MBNL2: variants seen among roughly 807,000 people sequenced by gnomAD.
MBNL2 encodes the protein muscleblind-like protein 2.
A neutral mutation model predicts 41.9 loss-of-function variants in MBNL2; 17 were observed. The observed-to-expected ratio is 0.41, with a 90% CI of 0.28 to 0.61. MBNL2 has a LOEUF of 0.61. Ranked by LOEUF, MBNL2 falls within the 20% of genes least tolerant of loss-of-function variation. The pLI is 0.35. For missense variants in MBNL2, 336 were observed against 505.6 expected, an observed-to-expected ratio of 0.66 and a Z score of 3.22; for synonymous variants, 195 against 182.9, an observed-to-expected ratio of 1.07 and a Z score of -0.53.
intron 2 of MBNL2, among the ~76,000 whole-genome samples, chr13:97,282,651 T>TAAAG (rs1322692810): frequency 3.3e-5 from 5 of 152,204 alleles, no homozygotes; most frequent in African/African-American, 1.2e-4. Flanking sequence ...GGTTCATGCT[T>TAAAG]AAAGATTCTT....
At position 97,284,617 on chromosome 13, in the gene MBNL2, G is replaced by A. The variant is rs2054072323; in HGVS notation, c.174+8208G>A. On this transcript the variant is annotated intron_variant, in intron 2 of 8. Transcript: ENST00000679496. Reference sequence around the variant, plus strand: ...TAGGACTTCAACATATATTTTGGGGGAACACAATTCAACCCATTAATATAA... The same window carrying A: ...TAGGACTTCAACATATATTTTGGGGAAACACAATTCAACCCATTAATATAA... 3.3e-5 allele frequency among the ~76,000 whole-genome samples: 5 copies of A among 152,126 alleles called. No homozygotes were observed. In the South Asian group the frequency reaches 8.3e-4, roughly 25 times the overall value.
intron 2 of MBNL2, among the ~76,000 whole-genome samples, chr13:97,301,271 C>A (rs1417141526): frequency 6.6e-6 from 1 of 152,064 alleles, no homozygotes; most frequent in Non-Finnish European, 1.5e-5. Context: ...TCCATTTATC[C>A]CTACAACACA....
the MBNL2 span, among the ~76,000 whole-genome samples, chr13:97,195,137 G>T: frequency 2.6e-5 from 4 of 152,080 alleles, no homozygotes; most frequent in African/African-American, 9.7e-5. Context: ...CCCCTTTCTG[G>T]TAACACAAAT....
chr13:97,269,869 A>G (rs904202691), intron 1 of MBNL2, among the ~76,000 whole-genome samples: 1 of 152,204 alleles, frequency 6.6e-6, no homozygotes, highest in African/African-American at 2.4e-5. Flanking sequence ...AATCCTGGTC[A>G]TCATATGGAA....
At chr13:97,188,505 T>G in the MBNL2 span, among the ~76,000 whole-genome samples, 7 of 152,172 alleles carry the variant, frequency 4.6e-5, no homozygotes, top group Admixed American at 2.0e-4. Flanking sequence ...GAAATATGCA[T>G]GCCTTTTCCT....
chr13:97,232,893 G>GCA (rs1566355649), intron 1 of MBNL2, among the ~76,000 whole-genome samples: 3 of 143,894 alleles, frequency 2.1e-5, no homozygotes, highest in African/African-American at 7.5e-5. Context: ...GTGTGTGTGC[G>GCA]CACGTACACT....
chr13:97,180,834 G>A, the MBNL2 span, among the ~76,000 whole-genome samples: 1 of 151,492 alleles, frequency 6.6e-6, no homozygotes, highest in Non-Finnish European at 1.5e-5. Context: ...CTATCTGTTG[G>A]TGGCCTTAAA....
At chr13:97,298,882 A>G (rs2057333786) in intron 2 of MBNL2, among the ~76,000 whole-genome samples, 2 of 152,200 alleles carry the variant, frequency 1.3e-5, no homozygotes, top group Admixed American at 6.5e-5. Context: ...CTATGAAGAC[A>G]GTGCAGTCAA....
chr13:97,307,816 TC>T (rs776947102), intron 2 of MBNL2, among the ~76,000 whole-genome samples: 1 of 152,214 alleles, frequency 6.6e-6, no homozygotes, highest in Non-Finnish European at 1.5e-5. Flanking sequence ...TAAATTATTT[TC>T]CACCCAAGTG....
At chr13:97,169,882 T>G in the MBNL2 span, among the ~76,000 whole-genome samples, 1 of 152,216 alleles carries the variant, frequency 6.6e-6, no homozygotes, top group Non-Finnish European at 1.5e-5. Context: ...GTCATGGAAC[T>G]CACAATGCTG....
chr13:97,367,107 A>C (rs2063909233), intron 8 of MBNL2, among the ~76,000 whole-genome samples: 1 of 152,196 alleles, frequency 6.6e-6, no homozygotes, highest in African/African-American at 2.4e-5. Flanking sequence ...TAAGAGCCAA[A>C]CCATCCGGAA....
rs1033589418 is a variant in MBNL2 at position 97,392,959 on chromosome 13, A to T, written c.*1510A>T. 1 of 152,480 alleles carries T rather than the reference A, an allele frequency of 6.6e-6. No individual in the cohort carries two copies. Among genetic ancestry groups the T allele is most frequent in the African/African-American group, 2.4e-5 (1 of 41,442 alleles). 9.4% of individuals were successfully genotyped at this position (152,480 alleles called of 1,614,324 possible). A position where few individuals can be genotyped will look rare whatever the true frequency, so the allele number is the denominator to read the frequency against. ...CCTGTTCTGAAAACTAGATGCACCA[A>T]CCGTATCATTATTTGTTTGAGGAAA... On this transcript the variant is annotated 3_prime_UTR_variant, in exon 9 of 9. Coordinates refer to ENST00000679496, the MANE Select transcript of MBNL2 (RefSeq NM_001382683.1).
chr13:97,341,750 A>C (rs1352078589), intron 3 of MBNL2, among the ~76,000 whole-genome samples: 1 of 152,228 alleles, frequency 6.6e-6, no homozygotes, highest in African/African-American at 2.4e-5. Flanking sequence ...ACTCTTTTCT[A>C]TAATGACTTT....
intron 2 of MBNL2, among the ~76,000 whole-genome samples, chr13:97,284,632 C>A (rs1157300715): frequency 6.6e-6 from 1 of 152,122 alleles, no homozygotes; most frequent in Non-Finnish European, 1.5e-5. Flanking sequence ...CAATTCAACC[C>A]ATTAATATAA....
chr13:97,317,938 A>T (rs1392974635), intron 2 of MBNL2, among the ~76,000 whole-genome samples: 1 of 152,244 alleles, frequency 6.6e-6, no homozygotes, highest in African/African-American at 2.4e-5. Context: ...TTTCTCAAAG[A>T]TAAGAACAGT....
chr13:97,153,835 A>G, the MBNL2 span, among the ~76,000 whole-genome samples: 1 of 152,174 alleles, frequency 6.6e-6, no homozygotes, highest in African/African-American at 2.4e-5. Flanking sequence ...AAATTTGGAC[A>G]GTTTGTCAAT....
At chr13:97,308,412 A>G (rs2058309947) in intron 2 of MBNL2, among the ~76,000 whole-genome samples, 2 of 152,222 alleles carry the variant, frequency 1.3e-5, no homozygotes, top group Admixed American at 1.3e-4. Flanking sequence ...CCTCTGTTAG[A>G]GAAAGGTCAT....
chr13:97,184,433 C>T, the MBNL2 span, among the ~76,000 whole-genome samples: 1 of 152,202 alleles, frequency 6.6e-6, no homozygotes, highest in Non-Finnish European at 1.5e-5. Flanking sequence ...TGATTTCCAG[C>T]TGTCGTCCTC....
the MBNL2 span, among the ~76,000 whole-genome samples, chr13:97,142,928 A>G: frequency 6.6e-6 from 1 of 152,340 alleles, no homozygotes; most frequent in South Asian, 2.1e-4. Context: ...ATGAGAAGGT[A>G]GCAGGTCTTG....
Sources: allele counts gnomAD v4.1 joint callset (sites outside exome capture counted in the v4.1 genomes callset), GRCh38; gene constraint gnomAD v4.1.1; transcripts MANE v1.5; gene names NCBI Gene and HGNC (gene_info 2026-07-23, HGNC 2026-07-21).